Variants in PFN1 observed in about 807,000 individuals in gnomAD.
PFN1 encodes profilin-1.
PFN1 carries 2 observed loss-of-function variants against 11.7 expected under a neutral mutation model. That is an observed-to-expected ratio of 0.17 (90% CI 0.07 to 0.54). The LOEUF is 0.54. Among genes scored for constraint, PFN1 ranks in the 20% least tolerant of loss-of-function variants. The probability of loss-of-function intolerance (pLI) is 0.94; values close to 1 mark genes in which losing one functional copy is unlikely to be tolerated. For synonymous variants in PFN1, 78 were observed against 76.2 expected, an observed-to-expected ratio of 1.02 and a Z score of -0.12; for missense variants, 97 against 188.4, an observed-to-expected ratio of 0.51 and a Z score of 2.84.
intron 1 of PFN1, among the ~76,000 whole-genome samples, chr17:4,947,747 G>A (rs1231491886): frequency 1.3e-5 from 2 of 152,094 alleles, no homozygotes; most frequent in Admixed American, 6.5e-5. Flanking sequence ...TGGTGGCCTC[G>A]CCCTCTCTAA....
In PFN1 at chr17:4,945,873, G is replaced by A. The variant is rs754367238; in HGVS notation, c.*27C>T. 7.2e-7 allele frequency: 1 copy of A among 1,380,498 alleles called. No homozygotes were observed. Among genetic ancestry groups the A allele is most frequent in the African/African-American group, 1.4e-5 (1 of 70,420 alleles). The allele number at this position is 1,380,498 out of a possible 1,614,324, so 85.5% of individuals were successfully genotyped here. A position where few individuals can be genotyped will look rare whatever the true frequency, so the allele number is the denominator to read the frequency against. On this transcript the variant is annotated 3_prime_UTR_variant, in exon 3 of 3. Transcript: ENST00000225655. ...GGAAAGGGGTGCAAAGCTGTGGGGA[G>A]CGGTGAAGGGGAAGGGACAGACGAG... is the stretch of plus-strand genomic sequence containing the variant.
At chr17:4,948,192 G>A in intron 1 of PFN1, 71 bp downstream of exon 1, 2 of 1,415,126 alleles carry the variant, frequency 1.4e-6, no homozygotes, top group Admixed American at 4.8e-5. Context: ...GACCGCGCCC[G>A]CCCCCACCCA....
rs1395597681 is a variant in PFN1, at chr17:4,948,408, G to A, written c.-14C>T. On this transcript the variant is annotated 5_prime_UTR_variant, in exon 1 of 3. Coordinates refer to ENST00000225655, the MANE Select transcript of PFN1 (RefSeq NM_005022.4). Reference sequence around the variant, plus strand: ...CCACCCGGCCATGGCGCTGCTACTGGGGCTGCTCTCGGCGCTGCTGCTGGG... The same window carrying A: ...CCACCCGGCCATGGCGCTGCTACTGAGGCTGCTCTCGGCGCTGCTGCTGGG... 5.6e-6 allele frequency: 9 copies of A among 1,593,484 alleles called. No individual in the cohort carries two copies. The highest frequency in any genetic ancestry group is 7.7e-6 in the Non-Finnish European group (9 of 1,173,320).
chr17:4,946,250 A>G (rs1045916168), intron 2 of PFN1, among the ~76,000 whole-genome samples: 1 of 152,096 alleles, frequency 6.6e-6, no homozygotes, highest in African/African-American at 2.4e-5. Context: ...TAGACTGTTG[A>G]TTCATGTGTT....
intron 2 of PFN1, 32 bp from the exon 3 acceptor site, chr17:4,946,029 G>C (rs763553380): frequency 9.3e-6 from 14 of 1,512,654 alleles, no homozygotes; most frequent in Admixed American, 8.4e-5. Context: ...AGGAGGCTAG[G>C]ATCCAGGTGT....
At chr17:4,946,482 TTCCAGCA>T in intron 2 of PFN1, 139 bp downstream of exon 2, 1 of 638,328 alleles carries the variant, frequency 1.6e-6, no homozygotes, top group Non-Finnish European at 2.7e-6. Flanking sequence ...CTATCCCGTG[TTCCAGCA>T]TCCAGCAGAC....
In PFN1 at chr17:4,948,278, C is replaced by A. The variant is rs200502153; in HGVS notation, c.117G>T (p.Thr39=). 21 of 1,608,832 alleles carry A rather than the reference C, an allele frequency of 1.3e-5. No individual in the cohort carries two copies. The African/African-American group carries it at 2.8e-4, about 22-fold the overall frequency. Reference sequence around the variant, plus strand: ...CTCGCAGTACCGTGATGTTGACGAACGTTTTCCCGGGGACGGCGGCCCAGA... The same window carrying A: ...CTCGCAGTACCGTGATGTTGACGAAAGTTTTCCCGGGGACGGCGGCCCAGA... ...PSVWAAVPGK[T]FVNITPAEVG... is the part of the protein sequence containing the mutation. The change falls in exon 1 of 3, where the codon ACG becomes ACT. Residue 39 remains threonine (T), a synonymous_variant. Transcript: ENST00000225655.
At chr17:4,946,588 G>C (rs1971401508) in intron 2 of PFN1, 40 bp downstream of exon 2, 10 of 1,514,474 alleles carry the variant, frequency 6.6e-6, no homozygotes, top group Non-Finnish European at 9.0e-6. Context: ...GTACATTAGA[G>C]ATCTTGGAGC....
At chr17:4,946,892 A>C (rs1597687766) in intron 1 of PFN1, 72 bp from the exon 2 acceptor site, 1 of 1,414,206 alleles carries the variant, frequency 7.1e-7, no homozygotes, top group Non-Finnish European at 9.7e-7. Flanking sequence ...CCAAAGACCC[A>C]CCTGTCTTCC....
chr17:4,947,886 G>C (rs1971440607), intron 1 of PFN1, among the ~76,000 whole-genome samples: 1 of 152,192 alleles, frequency 6.6e-6, no homozygotes, highest in Non-Finnish European at 1.5e-5. Context: ...CGGGGAGCTG[G>C]GGGTCCAAGG....
rs775818152 is a variant in PFN1 at position 4,945,677 on chromosome 17, GA to G, written c.*222del. 5.4e-4 allele frequency: 225 copies of G among 419,462 alleles called. No individual in the cohort carries two copies. The highest frequency in any genetic ancestry group is 1.1e-3 in the East Asian group (28 of 25,384). 26.0% of individuals were successfully genotyped at this position (419,462 alleles called of 1,614,324 possible). On this transcript the variant is annotated 3_prime_UTR_variant, in exon 3 of 3. Transcript: ENST00000225655. The stretch of plus-strand genomic sequence containing the variant: ...TTGTTAGTAGAATCTTTTTTATTCA[GA>G]AAAAAAAAACCCCAAAAAACAAAAG...
chr17:4,946,091 G>A (rs2151134143), intron 2 of PFN1, 94 bp from the exon 3 acceptor site: 11 of 895,090 alleles, frequency 1.2e-5, no homozygotes, highest in East Asian at 5.1e-5. Flanking sequence ...CCTGGGGGCT[G>A]TAACCCAACC....
Position 4,948,349 on chromosome 17 carries a change from T to A in PFN1, c.46A>T (p.Thr16Ser). The change falls in exon 1 of 3, where the codon ACC becomes TCC. Residue 16 changes from threonine to serine, a missense_variant. Physicochemically the swap from Thr to Ser is moderately conservative, Grantham distance 58. Transcript: ENST00000225655. The part of the protein sequence containing the change: ...AYIDNLMADG[T>S]CQDAAIVGYK... Reference sequence around the variant, plus strand: ...CCCACGATGGCCGCGTCCTGACAGGTCCCGTCCGCCATGAGGTTGTCGATG... The same window carrying A: ...CCCACGATGGCCGCGTCCTGACAGGACCCGTCCGCCATGAGGTTGTCGATG... 1 of 1,610,676 alleles carries A rather than the reference T, an allele frequency of 6.2e-7. No individual in the cohort carries two copies. Among genetic ancestry groups the A allele is most frequent in the South Asian group, 1.1e-5 (1 of 90,786 alleles).
rs1448762617 is a variant in PFN1, at chr17:4,948,471, G to C, written c.-77C>G. 2.1e-6 allele frequency: 3 copies of C among 1,442,854 alleles called. No homozygotes were observed. The highest frequency in any genetic ancestry group is 2.7e-6 in the Non-Finnish European group (3 of 1,100,338). The allele number at this position is 1,442,854 out of a possible 1,614,324, so 89.4% of individuals were successfully genotyped here. A position where few individuals can be genotyped will look rare whatever the true frequency, so the allele number is the denominator to read the frequency against. ...GCTCGAGCTGCCTCGGCTGGCGGGC[G>C]GGGGGAGGCGGAGAGCTCGGGGCAC... On this transcript the variant is annotated 5_prime_UTR_variant, in exon 1 of 3. Transcript: ENST00000225655.
chr17:4,948,424 T>C lies in PFN1; in HGVS notation c.-30A>G. 1 of 1,573,766 alleles carries C rather than the reference T, an allele frequency of 6.4e-7. No homozygotes were observed. Among genetic ancestry groups the C allele is most frequent in the Non-Finnish European group, 8.6e-7 (1 of 1,164,976 alleles). On this transcript the variant is annotated 5_prime_UTR_variant, in exon 1 of 3. Coordinates refer to ENST00000225655, the MANE Select transcript of PFN1 (RefSeq NM_005022.4). Reference sequence around the variant, plus strand: ...CTGCTACTGGGGCTGCTCTCGGCGCTGCTGCTGGGGCCGCGGACTGGGCTC... The same window carrying C: ...CTGCTACTGGGGCTGCTCTCGGCGCCGCTGCTGGGGCCGCGGACTGGGCTC...
In PFN1 at chr17:4,946,012, AAG is replaced by A. The variant is rs775040024; in HGVS notation, c.326-17_326-16del. ...CAGGACTAGCGCTGGAGGAGGAGGAAAGAGAAAGGAGGCTAGGATCCAGGTGT... is the reference window on the plus strand; with the variant it reads ...CAGGACTAGCGCTGGAGGAGGAGGAAAGAAAGGAGGCTAGGATCCAGGTGT... On this transcript the variant is annotated splice_polypyrimidine_tract_variant and intron_variant, in intron 2 of 2. Transcript: ENST00000225655. 27 of 1,582,194 alleles carry A rather than the reference AAG, an allele frequency of 1.7e-5. No individual in the cohort carries two copies. The African/African-American group carries it at 2.3e-4, about 13-fold the overall frequency.
Position 4,948,244 on chromosome 17 carries a change from C to G in PFN1, c.132+19G>C, listed in dbSNP as rs761974632. 2.5e-6 allele frequency: 4 copies of G among 1,591,294 alleles called. No individual in the cohort carries two copies. Among genetic ancestry groups the G allele is most frequent in the Middle Eastern group, 1.8e-4 (1 of 5,586 alleles). ...TCCAAACCGGAGCAGTGCCCCGGAC[C>G]GCGCAGGCCTCGCAGTACCGTGATG... is the stretch of plus-strand genomic sequence containing the variant. On this transcript the variant is annotated intron_variant, in intron 1 of 2. Transcript: ENST00000225655.
Position 4,945,677 on chromosome 17 carries a change from GAAAA to G in PFN1, c.*219_*222del, listed in dbSNP as rs775818152. The G allele has an allele frequency of 2.6e-5, 11 of 420,196 alleles. No homozygotes were observed. The highest frequency in any genetic ancestry group is 1.2e-4 in the African/African-American group (6 of 48,608). The allele number at this position is 420,196 out of a possible 1,614,324, so 26.0% of individuals were successfully genotyped here. A position where few individuals can be genotyped will look rare whatever the true frequency, so the allele number is the denominator to read the frequency against. ...TTGTTAGTAGAATCTTTTTTATTCA[GAAAA>G]AAAAAACCCCAAAAAACAAAAGTTT... On this transcript the variant is annotated 3_prime_UTR_variant, in exon 3 of 3. Coordinates refer to ENST00000225655, the MANE Select transcript of PFN1 (RefSeq NM_005022.4).
intron 1 of PFN1, 128 bp from the exon 2 acceptor site, chr17:4,946,948 A>G (rs558780106): frequency 3.0e-6 from 2 of 673,352 alleles, no homozygotes; most frequent in Non-Finnish European, 5.0e-6. Context: ...TAAATTATAT[A>G]CTCAGTACAC....
Sources: allele counts gnomAD v4.1 joint callset (sites outside exome capture counted in the v4.1 genomes callset), GRCh38; gene constraint gnomAD v4.1.1; transcripts MANE v1.5; gene names NCBI Gene and HGNC (gene_info 2026-07-23, HGNC 2026-07-21).